NR5A2: variants seen among roughly 807,000 people sequenced by gnomAD.
NR5A2 encodes nuclear receptor subfamily 5 group A member 2, also known as CYP7A promoter-binding factor.
NR5A2 carries 26 observed loss-of-function variants against 62.7 expected under a neutral mutation model. The ratio of observed to expected loss-of-function variants is 0.41; its 90% CI spans 0.30 to 0.58. NR5A2 has a LOEUF of 0.58. NR5A2 is among the 20% of genes least tolerant of loss of function. NR5A2 has a pLI of 0.22. For missense variants in NR5A2, 541 were observed against 669.1 expected, an observed-to-expected ratio of 0.81 and a Z score of 2.11; for synonymous variants, 246 against 241.7, an observed-to-expected ratio of 1.02 and a Z score of -0.16.
At chr1:200,057,660 G>A in intron 5 of NR5A2, 1 of 335,740 alleles carries the variant, frequency 3.0e-6, no homozygotes, top group Non-Finnish European at 6.0e-6. Flanking sequence ...TGTATTTTTA[G>A]TAGAGATGGG....
chr1:200,105,269 T>C (rs930302973), intron 5 of NR5A2, among the ~76,000 whole-genome samples: 1 of 152,150 alleles, frequency 6.6e-6, no homozygotes, highest in Admixed American at 6.5e-5. Context: ...GCCTCATTTT[T>C]TTCCCTACAT....
chr1:200,163,602 C>T (rs930571548), intron 7 of NR5A2, among the ~76,000 whole-genome samples: 1 of 152,036 alleles, frequency 6.6e-6, no homozygotes, highest in Admixed American at 6.6e-5. Context: ...CCACCTCAGC[C>T]TCCCAAGTAG....
chr1:200,111,173 T>G, intron 5 of NR5A2, 29 bp from the exon 6 acceptor site: 14 of 1,596,140 alleles, frequency 8.8e-6, no homozygotes, highest in Non-Finnish European at 1.2e-5. Context: ...TTTGTTTTTT[T>G]TGTTTGTTTG....
intron 5 of NR5A2, among the ~76,000 whole-genome samples, chr1:200,060,197 TTTTCC>T (rs1157322569): frequency 6.6e-6 from 1 of 152,166 alleles, no homozygotes; most frequent in East Asian, 1.9e-4. Context: ...CATTAACTCT[TTTTCC>T]TTTCCTTCTA....
chr1:200,064,118 C>T (rs1043939030), intron 5 of NR5A2, among the ~76,000 whole-genome samples: 3 of 150,310 alleles, frequency 2.0e-5, no homozygotes, highest in African/African-American at 7.4e-5. Context: ...CATCGCGCTC[C>T]AGCCTGGGCG....
intron 7 of NR5A2, among the ~76,000 whole-genome samples, chr1:200,149,974 A>G (rs1330082028): frequency 1.3e-5 from 2 of 152,216 alleles, no homozygotes; most frequent in Non-Finnish European, 2.9e-5. Flanking sequence ...CATTCGTTCC[A>G]GAGTTTATAT....
chr1:200,059,554 G>GGT (rs1291622780), intron 5 of NR5A2, among the ~76,000 whole-genome samples: 1 of 152,134 alleles, frequency 6.6e-6, no homozygotes, highest in Non-Finnish European at 1.5e-5. Context: ...GTGTTGGGGA[G>GGT]GTAGAGCCCA....
At chr1:200,098,198 G>T (rs575893883) in intron 5 of NR5A2, among the ~76,000 whole-genome samples, 1 of 152,242 alleles carries the variant, frequency 6.6e-6, no homozygotes, top group Non-Finnish European at 1.5e-5. Flanking sequence ...CTGGGACTGA[G>T]ACCCAGAATA....
At chr1:200,101,592 T>A (rs1441094855) in intron 5 of NR5A2, among the ~76,000 whole-genome samples, 7 of 152,206 alleles carry the variant, frequency 4.6e-5, no homozygotes, top group African/African-American at 1.7e-4. Flanking sequence ...TATCTTAACA[T>A]GTGTACATGC....
chr1:200,092,249 A>G (rs1380796203), intron 5 of NR5A2, among the ~76,000 whole-genome samples: 1 of 152,248 alleles, frequency 6.6e-6, no homozygotes, highest in Non-Finnish European at 1.5e-5. Flanking sequence ...ATTTAATGCT[A>G]TATAATTTCA....
At chr1:200,074,380 G>C (rs1663902081) in intron 5 of NR5A2, among the ~76,000 whole-genome samples, 1 of 142,340 alleles carries the variant, frequency 7.0e-6, no homozygotes, top group Non-Finnish European at 1.5e-5. Flanking sequence ...AACATAGCAA[G>C]ACCCTGTCTT....
At chr1:200,158,591 A>G (rs1161720653) in intron 7 of NR5A2, among the ~76,000 whole-genome samples, 1 of 152,194 alleles carries the variant, frequency 6.6e-6, no homozygotes, top group African/African-American at 2.4e-5. Flanking sequence ...CTCAAAGGCT[A>G]AAACAGGAAG....
chr1:200,127,543 G>A (rs568386646), intron 7 of NR5A2, among the ~76,000 whole-genome samples: 51 of 151,084 alleles, frequency 3.4e-4, no homozygotes, highest in Non-Finnish European at 3.0e-4. Context: ...CAGGTGTGGT[G>A]GTGGGCACCT....
chr1:200,062,814 G>GT (rs1437500406), intron 5 of NR5A2, among the ~76,000 whole-genome samples: 1 of 152,232 alleles, frequency 6.6e-6, no homozygotes, highest in South Asian at 2.1e-4. Flanking sequence ...GCCCCTTAAT[G>GT]TTAACTGCTG....
intron 5 of NR5A2, among the ~76,000 whole-genome samples, chr1:200,061,831 C>T (rs1663234356): frequency 6.6e-6 from 1 of 152,144 alleles, no homozygotes; most frequent in Non-Finnish European, 1.5e-5. Context: ...TATAACAGAA[C>T]CACCTCCTAT....
chr1:200,138,966 T>C (rs12049278), intron 7 of NR5A2, among the ~76,000 whole-genome samples: 11,471 of 152,194 alleles, frequency 0.075, 794 homozygotes, highest in East Asian at 0.38. Context: ...TTGAGTAAAA[T>C]TGCATTGTAT....
At chr1:200,142,091 G>C (rs1320864633) in intron 7 of NR5A2, among the ~76,000 whole-genome samples, 1 of 150,530 alleles carries the variant, frequency 6.6e-6, no homozygotes, top group East Asian at 1.9e-4. Flanking sequence ...ATCTCACTGT[G>C]CTGCTTTTTG....
At chr1:200,033,766 C>G (rs894951937) in intron 1 of NR5A2, among the ~76,000 whole-genome samples, 1 of 152,252 alleles carries the variant, frequency 6.6e-6, no homozygotes, top group Non-Finnish European at 1.5e-5. Context: ...AATTGTGCAA[C>G]CTCTGTAACT....
At chr1:200,118,258 C>T (rs1371650619) in intron 6 of NR5A2, among the ~76,000 whole-genome samples, 4 of 152,088 alleles carry the variant, frequency 2.6e-5, no homozygotes, top group African/African-American at 9.7e-5. Context: ...CTCAGGTGAT[C>T]CACCCACCTC....
Sources: gnomAD v4.1 joint callset for allele counts (sites outside exome capture counted in the v4.1 genomes callset) on GRCh38, gnomAD v4.1.1 for gene constraint, MANE v1.5 for transcripts, NCBI Gene and HGNC (gene_info 2026-07-23, HGNC 2026-07-21) for gene names.